DAB1: variants seen among roughly 807,000 people sequenced by gnomAD.
DAB1 encodes the protein DAB adaptor protein 1, also known as disabled homolog 1.
In DAB1, 15 loss-of-function variants were observed where a neutral mutation model predicts 64.6. The observed-to-expected ratio is 0.23, with a 90% CI of 0.16 to 0.36. The LOEUF is 0.36. DAB1 is among the 10% of genes least tolerant of loss of function. The pLI is 1.00. For synonymous variants in DAB1, 235 were observed against 251.9 expected, an observed-to-expected ratio of 0.93 and a Z score of 0.64; for missense variants, 596 against 706.7, an observed-to-expected ratio of 0.84 and a Z score of 1.78.
At chr1:58,111,185 A>C (rs1304063660) in intron 5 of DAB1, among the ~76,000 whole-genome samples, 4 of 152,220 alleles carry the variant, frequency 2.6e-5, no homozygotes, top group African/African-American at 9.6e-5. Context: ...TGAAGTCAAG[A>C]GAAGCTAGAA....
At chr1:58,223,322 G>A (rs1659275946) in intron 4 of DAB1, among the ~76,000 whole-genome samples, 1 of 152,154 alleles carries the variant, frequency 6.6e-6, no homozygotes. Context: ...CTCTCAAGTG[G>A]CTCTAGCCAT....
intron 7 of DAB1, among the ~76,000 whole-genome samples, chr1:57,621,870 T>C (rs1364084937): frequency 1.3e-5 from 2 of 152,224 alleles, no homozygotes; most frequent in African/African-American, 4.8e-5. Flanking sequence ...AACCAGTTGC[T>C]TGACCAAACT....
At chr1:57,658,781 G>A (rs1646349111) in intron 6 of DAB1, among the ~76,000 whole-genome samples, 1 of 152,060 alleles carries the variant, frequency 6.6e-6, no homozygotes, top group South Asian at 2.1e-4. Context: ...TGTTGGCTAG[G>A]CTGGTCTCCA....
At chr1:57,190,390 T>A (rs72917138) in intron 2 of DAB1, among the ~76,000 whole-genome samples, 8,097 of 152,172 alleles carry the variant, frequency 0.053, 379 homozygotes, top group African/African-American at 0.13. Context: ...AAGCAGGCTT[T>A]ATAAACCCTA....
At chr1:57,029,605 AG>A (rs1646903767) in intron 9 of DAB1, among the ~76,000 whole-genome samples, 1 of 152,186 alleles carries the variant, frequency 6.6e-6, no homozygotes, top group African/African-American at 2.4e-5. Context: ...GCAAAGCCAC[AG>A]GGGAAGGGCT....
chr1:58,511,562 G>C (rs563436238), intron 2 of DAB1, among the ~76,000 whole-genome samples: 1 of 152,016 alleles, frequency 6.6e-6, no homozygotes. Flanking sequence ...CTGGGAAGTC[G>C]AGGCTAGAGT....
At chr1:57,542,644 C>T (rs996078662) in intron 7 of DAB1, among the ~76,000 whole-genome samples, 14 of 151,922 alleles carry the variant, frequency 9.2e-5, no homozygotes, top group Non-Finnish European at 1.8e-4. Context: ...AACCATTAAG[C>T]AGTTCCTTAA....
In DAB1 at chr1:57,873,708, T is replaced by A. The variant is rs192507409; in HGVS notation, n.87+10291A>T. ...ATTTAATAGCTGGGGCTCTACAGCATGTTTCTTAGCCCTCTGTGCCTCAGT... is the reference window on the plus strand; with the variant it reads ...ATTTAATAGCTGGGGCTCTACAGCAAGTTTCTTAGCCCTCTGTGCCTCAGT... On this transcript the variant is annotated intron_variant and non_coding_transcript_variant, in intron 1 of 1. Transcript: ENST00000477280. 9.2e-5 allele frequency among the ~76,000 whole-genome samples: 14 copies of A among 152,284 alleles called. 1 individual carries two copies. The highest frequency in any genetic ancestry group is 1.5e-4 in the Non-Finnish European group (10 of 68,016).
At chr1:57,211,520 G>T (rs113853615) in intron 2 of DAB1, among the ~76,000 whole-genome samples, 7 of 152,264 alleles carry the variant, frequency 4.6e-5, no homozygotes, top group African/African-American at 1.4e-4. Flanking sequence ...CTTTAAGGAT[G>T]GGTGACCCAA....
intron 5 of DAB1, among the ~76,000 whole-genome samples, chr1:57,982,051 G>A (rs1646079134): frequency 6.6e-6 from 1 of 152,188 alleles, no homozygotes; most frequent in Non-Finnish European, 1.5e-5. Flanking sequence ...GGTCTACAGA[G>A]TTGCCCTGGA....
At chr1:57,484,610 G>A (rs1203346245) in intron 7 of DAB1, among the ~76,000 whole-genome samples, 2 of 152,170 alleles carry the variant, frequency 1.3e-5, no homozygotes, top group African/African-American at 4.8e-5. Flanking sequence ...GGGACTTGTC[G>A]ACTTCTGAAT....
intron 7 of DAB1, among the ~76,000 whole-genome samples, chr1:57,505,626 T>C (rs1343962551): frequency 6.6e-6 from 1 of 152,190 alleles, no homozygotes; most frequent in East Asian, 1.9e-4. Context: ...CTTGACTAAT[T>C]AGTGTCCTGA....
At chr1:57,770,146 A>C (rs1371859244) in intron 6 of DAB1, among the ~76,000 whole-genome samples, 1 of 152,186 alleles carries the variant, frequency 6.6e-6, no homozygotes, top group Non-Finnish European at 1.5e-5. Flanking sequence ...CTCTGATTCA[A>C]ATGCCTTCTC....
chr1:57,950,929 T>A lies in DAB1; in HGVS notation n.388-66767A>T, dbSNP rs538585774. 6.6e-5 allele frequency among the ~76,000 whole-genome samples: 10 copies of A among 152,268 alleles called. 1 individual carries two copies. The South Asian group carries it at 2.1e-3, about 32-fold the overall frequency. On this transcript the variant is annotated intron_variant and non_coding_transcript_variant, in intron 5 of 20. Transcript: ENST00000485760. Reference sequence around the variant, plus strand: ...TCACTTACAGTCTTCAATATCTAGTTTGGAAACAGGCACCTTGTGGTACTC... The same window carrying A: ...TCACTTACAGTCTTCAATATCTAGTATGGAAACAGGCACCTTGTGGTACTC...
At chr1:57,038,888 G>T (rs944706905) in intron 9 of DAB1, among the ~76,000 whole-genome samples, 1 of 152,160 alleles carries the variant, frequency 6.6e-6, no homozygotes, top group African/African-American at 2.4e-5. Context: ...TGCAAGAAAC[G>T]CAGAACCCAG....
At chr1:57,345,066 G>A (rs1677971070) in intron 1 of DAB1, among the ~76,000 whole-genome samples, 1 of 152,132 alleles carries the variant, frequency 6.6e-6, no homozygotes, top group African/African-American at 2.4e-5. Flanking sequence ...TTATCTTAGA[G>A]CCCTATCTTC....
chr1:57,578,163 G>A (rs1645272277), intron 7 of DAB1, among the ~76,000 whole-genome samples: 1 of 152,216 alleles, frequency 6.6e-6, no homozygotes, highest in South Asian at 2.1e-4. Context: ...AATTGTGCCA[G>A]AGGGTTCTTC....
intron 9 of DAB1, among the ~76,000 whole-genome samples, chr1:57,041,433 C>A (rs1312007049): frequency 1.3e-5 from 2 of 152,238 alleles, no homozygotes; most frequent in East Asian, 3.9e-4. Context: ...AACAAGGGTA[C>A]CAGGCTGAGC....
At chr1:57,651,777 C>A (rs972020482) in intron 6 of DAB1, among the ~76,000 whole-genome samples, 2 of 152,148 alleles carry the variant, frequency 1.3e-5, no homozygotes, top group African/African-American at 4.8e-5. Flanking sequence ...ATATTATATG[C>A]CATAAAGTAT....
Sources: allele counts gnomAD v4.1 joint callset (sites outside exome capture counted in the v4.1 genomes callset), GRCh38; gene constraint gnomAD v4.1.1; transcripts MANE v1.5; gene names NCBI Gene and HGNC (gene_info 2026-07-23, HGNC 2026-07-21).